NYAP2: variants seen among roughly 807,000 people sequenced by gnomAD.
NYAP2 encodes the protein neuronal tyrosine-phosphorylated phosphoinositide-3-kinase adaptor 2, also known as neuronal tyrosine-phosphorylated phosphoinositide-3-kinase adapter 2.
NYAP2 carries 23 observed loss-of-function variants against 50.4 expected under a neutral mutation model. That is an observed-to-expected ratio of 0.46 (90% CI 0.33 to 0.65). NYAP2 has a LOEUF of 0.65. Among genes scored for constraint, NYAP2 ranks in the 30% least tolerant of loss-of-function variants. The pLI, the probability that NYAP2 is intolerant of heterozygous loss-of-function variation, is 0.02. For missense variants in NYAP2, 885 were observed against 861.0 expected (o/e 1.03, Z -0.35); for synonymous variants, 394 against 365.2 (o/e 1.08, Z -0.90).
intron 4 of NYAP2, among the ~76,000 whole-genome samples, chr2:225,543,374 T>G (rs1691509984): frequency 1.3e-5 from 2 of 151,988 alleles, no homozygotes; most frequent in African/African-American, 4.8e-5. Context: ...TTTCTTTTTC[T>G]TTGATGTAGG....
chr2:225,649,776 A>G (rs1693698045), intron 6 of NYAP2, among the ~76,000 whole-genome samples: 1 of 152,248 alleles, frequency 6.6e-6, no homozygotes, highest in Non-Finnish European at 1.5e-5. Context: ...GGCACATAGT[A>G]GGCATAAAAT....
intron 3 of NYAP2, among the ~76,000 whole-genome samples, chr2:225,434,054 T>TA (rs1183683924): frequency 2.0e-5 from 3 of 152,100 alleles, no homozygotes; most frequent in Admixed American, 2.0e-4. Flanking sequence ...TATTCAGTAG[T>TA]AAGGGAGGGT....
At chr2:225,667,758 CA>C in the NYAP2 span, among the ~76,000 whole-genome samples, 1 of 152,266 alleles carries the variant, frequency 6.6e-6, no homozygotes, top group East Asian at 1.9e-4. Context: ...TAAGAGCAAT[CA>C]TTTGTTTCAT....
intron 3 of NYAP2, among the ~76,000 whole-genome samples, chr2:225,509,099 T>C (rs1425398324): frequency 1.3e-5 from 2 of 152,262 alleles, no homozygotes; most frequent in East Asian, 3.9e-4. Flanking sequence ...ATCTCCCTCC[T>C]CCATCATTCA....
intron 5 of NYAP2, among the ~76,000 whole-genome samples, chr2:225,615,731 G>A (rs1692976636): frequency 6.6e-6 from 1 of 152,174 alleles, no homozygotes; most frequent in East Asian, 1.9e-4. Flanking sequence ...GTGGATTCTG[G>A]AGCTGATTGG....
chr2:225,628,454 TG>T (rs1693251583), intron 6 of NYAP2, among the ~76,000 whole-genome samples: 1 of 151,602 alleles, frequency 6.6e-6, no homozygotes, highest in South Asian at 2.1e-4. Flanking sequence ...CCCTAGTAGC[TG>T]GGCTTACAGG....
intron 3 of NYAP2, among the ~76,000 whole-genome samples, chr2:225,409,860 G>A (rs1164986146): frequency 6.6e-6 from 1 of 152,076 alleles, no homozygotes; most frequent in Admixed American, 6.6e-5. Context: ...GTCAGATGGA[G>A]TCCTGTTTCT....
intron 3 of NYAP2, among the ~76,000 whole-genome samples, chr2:225,464,051 G>T (rs1392992308): frequency 6.6e-6 from 1 of 152,200 alleles, no homozygotes; most frequent in Non-Finnish European, 1.5e-5. Flanking sequence ...TGGCTTGCAG[G>T]ATGTGGTGCA....
the NYAP2 span, among the ~76,000 whole-genome samples, chr2:225,685,718 A>T: frequency 6.6e-6 from 1 of 152,178 alleles, no homozygotes; most frequent in Admixed American, 6.6e-5. Flanking sequence ...AGAATCATAT[A>T]TTGCTTTTTA....
intron 5 of NYAP2, among the ~76,000 whole-genome samples, chr2:225,622,581 T>C (rs1377586631): frequency 7.2e-6 from 1 of 138,248 alleles, no homozygotes; most frequent in African/African-American, 2.6e-5. Flanking sequence ...CTTTCTTTCT[T>C]CTTTCTTTTT....
chr2:225,568,572 CAA>C (rs1462298705), intron 4 of NYAP2, among the ~76,000 whole-genome samples: 3 of 152,146 alleles, frequency 2.0e-5, no homozygotes, highest in Non-Finnish European at 4.4e-5. Flanking sequence ...CAGCAGTGAA[CAA>C]AGATTTACCA....
chr2:225,646,963 G>T (rs1693646081), intron 6 of NYAP2, among the ~76,000 whole-genome samples: 1 of 152,108 alleles, frequency 6.6e-6, no homozygotes, highest in South Asian at 2.1e-4. Context: ...AAATAATGTT[G>T]CCTACAGTGA....
intron 3 of NYAP2, among the ~76,000 whole-genome samples, chr2:225,495,744 C>T (rs10185166): frequency 0.21 from 31,656 of 152,090 alleles, 4,357 homozygotes; most frequent in African/African-American, 0.39. Context: ...TGTGCAGTGT[C>T]GCCGCATTAT....
intron 3 of NYAP2, among the ~76,000 whole-genome samples, chr2:225,510,696 G>A (rs1012086340): frequency 6.6e-6 from 1 of 151,990 alleles, no homozygotes; most frequent in Non-Finnish European, 1.5e-5. Flanking sequence ...TGTATTTACA[G>A]CCTGGTCAAA....
At chr2:225,439,765 T>A (rs1247052847) in intron 3 of NYAP2, among the ~76,000 whole-genome samples, 1 of 152,244 alleles carries the variant, frequency 6.6e-6, no homozygotes, top group African/African-American at 2.4e-5. Flanking sequence ...CATGCTGCTA[T>A]GAAGAAATAC....
chr2:225,592,000 A>T lies in NYAP2; in HGVS notation c.1618+8965A>T, dbSNP rs543669994. ...ACCCCAGGTTTCTGAGCTGCCCCTGAAGGCATGTGGTCTGCTGCCCAGTGG... is the reference window on the plus strand; with the variant it reads ...ACCCCAGGTTTCTGAGCTGCCCCTGTAGGCATGTGGTCTGCTGCCCAGTGG... On this transcript the variant is annotated intron_variant, in intron 5 of 6. Coordinates refer to ENST00000636099, the Ensembl canonical transcript of NYAP2. Among the ~76,000 whole-genome samples the T allele has an allele frequency of 3.9e-5, 6 of 152,280 alleles. No homozygotes were observed. In the South Asian group the frequency reaches 1.2e-3, roughly 32 times the overall value.
rs1559202481 is a variant in NYAP2, at chr2:225,518,548, ATATATATATATATATATAT to A, written c.523+4877_523+4895del. ...TATATATATATATATATATATATAT[ATATATATATATATATATAT>A]ATTAGCGTGTGCGCTTATATATATA... On this transcript the variant is annotated intron_variant, in intron 4 of 6. Coordinates refer to ENST00000636099, the Ensembl canonical transcript of NYAP2. Among the ~76,000 whole-genome samples the A allele has an allele frequency of 3.6e-3, 284 of 78,354 alleles. 32 individuals carry two copies. In the East Asian group the frequency reaches 0.051, roughly 14 times the overall value. 51.4% of individuals were successfully genotyped at this position (78,354 alleles called of 152,430 possible). A position where few individuals can be genotyped will look rare whatever the true frequency, so the allele number is the denominator to read the frequency against.
intron 3 of NYAP2, among the ~76,000 whole-genome samples, chr2:225,413,571 G>A (rs1012887651): frequency 6.6e-6 from 1 of 152,092 alleles, no homozygotes; most frequent in Non-Finnish European, 1.5e-5. Context: ...TGGAATTGCT[G>A]CCATGTTCTT....
chr2:225,553,748 CAA>C (rs935902284), intron 4 of NYAP2, among the ~76,000 whole-genome samples: 4 of 152,060 alleles, frequency 2.6e-5, no homozygotes, highest in African/African-American at 9.7e-5. Flanking sequence ...ATCAAGAATT[CAA>C]AAAGAGTCTG....
Sources: gnomAD v4.1 joint callset for allele counts (sites outside exome capture counted in the v4.1 genomes callset) on GRCh38, gnomAD v4.1.1 for gene constraint, MANE v1.5 for transcripts, NCBI Gene and HGNC (gene_info 2026-07-23, HGNC 2026-07-21) for gene names.